The following ASCC3 variants were observed in gnomAD, a reference collection of about 807,000 sequenced individuals.
The protein encoded by ASCC3 is ASC-1 complex subunit P200.
Under a neutral mutation model 256.3 loss-of-function variants are expected in ASCC3, and 158 were observed. The observed-to-expected ratio is 0.62, with a 90% CI of 0.54 to 0.70. The LOEUF (loss-of-function observed/expected upper bound fraction) is 0.70, where lower values mean the gene tolerates loss of function less well. ASCC3 is among the 30% of genes least tolerant of loss of function. ASCC3 has a pLI of 0.00. For synonymous variants in ASCC3, 948 were observed against 883.4 expected, an observed-to-expected ratio of 1.07 and a Z score of -1.30; for missense variants, 2,259 against 2,626.0, an observed-to-expected ratio of 0.86 and a Z score of 3.05.
At chr6:100,610,137 T>C (rs1253492562) in intron 30 of ASCC3, among the ~76,000 whole-genome samples, 1 of 152,148 alleles carries the variant, frequency 6.6e-6, no homozygotes, top group East Asian at 1.9e-4. Context: ...AGGGGAGAAG[T>C]AACTTGGAAA....
rs143022926 is a variant in ASCC3, at chr6:100,603,239, C to CA, written c.5178-1305dup. 5.3e-5 allele frequency among the ~76,000 whole-genome samples: 8 copies of CA among 149,776 alleles called. No individual in the cohort carries two copies. The South Asian group carries it at 1.3e-3, about 24-fold the overall frequency. On this transcript the variant is annotated intron_variant, in intron 33 of 41. Transcript: ENST00000369162. The stretch of plus-strand genomic sequence containing the variant: ...TAACGGTCATATCAAGGTACAAAAC[C>CA]AAAAAAAAATTTAGTTAACTTTTTA...
At chr6:100,830,661 G>A (rs755198332) in intron 4 of ASCC3, among the ~76,000 whole-genome samples, 31 of 152,218 alleles carry the variant, frequency 2.0e-4, no homozygotes, top group Admixed American at 1.2e-3. Context: ...AAACAAAAAC[G>A]AAAACATAGC....
At chr6:100,535,150 A>G (rs1775098705) in intron 37 of ASCC3, among the ~76,000 whole-genome samples, 1 of 152,184 alleles carries the variant, frequency 6.6e-6, no homozygotes, top group South Asian at 2.1e-4. Flanking sequence ...AGGAGAATTT[A>G]CAGTCAGAAC....
intron 37 of ASCC3, among the ~76,000 whole-genome samples, chr6:100,537,436 T>C (rs1775214088): frequency 6.6e-6 from 1 of 152,104 alleles, no homozygotes; most frequent in Admixed American, 6.6e-5. Flanking sequence ...GGATCTTGAA[T>C]TGGATCATGG....
At chr6:100,519,758 C>T (rs929371247) in intron 37 of ASCC3, among the ~76,000 whole-genome samples, 1 of 151,964 alleles carries the variant, frequency 6.6e-6, no homozygotes, top group Admixed American at 6.6e-5. Flanking sequence ...GATGGATGAA[C>T]CATATGTTCT....
chr6:100,812,421 G>A (rs374710024), intron 4 of ASCC3, among the ~76,000 whole-genome samples: 4 of 151,780 alleles, frequency 2.6e-5, no homozygotes, highest in East Asian at 1.9e-4. Flanking sequence ...AAAGAGAACC[G>A]TGATTAAAGA....
intron 10 of ASCC3, among the ~76,000 whole-genome samples, chr6:100,731,242 T>C (rs1235803231): frequency 6.6e-6 from 1 of 152,202 alleles, no homozygotes; most frequent in Non-Finnish European, 1.5e-5. Context: ...CTTTCCAGAC[T>C]ATGTGTGTTT....
chr6:100,861,068 C>G (rs1773202345), intron 3 of ASCC3, among the ~76,000 whole-genome samples: 5 of 152,004 alleles, frequency 3.3e-5, no homozygotes. Context: ...TGGTAAAAGG[C>G]TGAAATGGGG....
chr6:100,720,183 A>C (rs1327820170), intron 11 of ASCC3, among the ~76,000 whole-genome samples: 4 of 152,150 alleles, frequency 2.6e-5, no homozygotes, highest in Non-Finnish European at 5.9e-5. Context: ...AAATATGAAA[A>C]GATTCACACA....
intron 5 of ASCC3, among the ~76,000 whole-genome samples, chr6:100,800,986 C>T (rs1359638422): frequency 6.6e-6 from 1 of 151,910 alleles, no homozygotes. Context: ...TTATAGATTA[C>T]ATAAAATTTA....
chr6:100,879,986 A>G (rs1486975103), intron 1 of ASCC3, among the ~76,000 whole-genome samples: 2 of 152,212 alleles, frequency 1.3e-5, no homozygotes, highest in Non-Finnish European at 2.9e-5. Context: ...AAAGTTCATG[A>G]GCACAGAGAC....
intron 10 of ASCC3, among the ~76,000 whole-genome samples, chr6:100,748,989 T>C (rs901046561): frequency 2.6e-5 from 4 of 151,866 alleles, no homozygotes; most frequent in Non-Finnish European, 4.4e-5. Flanking sequence ...CCTATGCCGA[T>C]GGCTAAAACA....
chr6:100,789,203 G>T (rs1308482812), intron 8 of ASCC3, among the ~76,000 whole-genome samples: 3 of 151,912 alleles, frequency 2.0e-5, no homozygotes, highest in Non-Finnish European at 4.4e-5. Flanking sequence ...TTTAAATTTA[G>T]GGAAGTAACT....
chr6:100,698,308 G>C (rs1302681074), intron 13 of ASCC3, among the ~76,000 whole-genome samples: 1 of 151,988 alleles, frequency 6.6e-6, no homozygotes, highest in Non-Finnish European at 1.5e-5. Context: ...TCATTAAAAA[G>C]TATTCCTTTG....
At chr6:100,816,288 G>C (rs899928513) in intron 4 of ASCC3, among the ~76,000 whole-genome samples, 1 of 152,034 alleles carries the variant, frequency 6.6e-6, no homozygotes, top group South Asian at 2.1e-4. Context: ...GGAGAAAAAG[G>C]CACACTTATA....
At chr6:100,850,563 T>C (rs1479426466) in intron 3 of ASCC3, among the ~76,000 whole-genome samples, 1 of 152,214 alleles carries the variant, frequency 6.6e-6, no homozygotes, top group East Asian at 1.9e-4. Context: ...ATTTTTATAC[T>C]ACATCAAACT....
chr6:100,789,532 C>T (rs916451661), intron 8 of ASCC3, among the ~76,000 whole-genome samples: 2 of 151,934 alleles, frequency 1.3e-5, no homozygotes, highest in African/African-American at 4.8e-5. Context: ...GAATTATTAT[C>T]AAATATCCTA....
chr6:100,622,931 C>G (rs1272031109), intron 30 of ASCC3, among the ~76,000 whole-genome samples: 10 of 152,178 alleles, frequency 6.6e-5, no homozygotes, highest in African/African-American at 2.4e-4. Flanking sequence ...GAAGTGTACA[C>G]TGTGATAATG....
chr6:100,834,946 T>C (rs1771802630), intron 4 of ASCC3, among the ~76,000 whole-genome samples: 1 of 152,158 alleles, frequency 6.6e-6, no homozygotes. Flanking sequence ...CAGAAGTTTA[T>C]TTTATGAAAC....
Sources: allele counts gnomAD v4.1 joint callset (sites outside exome capture counted in the v4.1 genomes callset), GRCh38; gene constraint gnomAD v4.1.1; transcripts MANE v1.5; gene names NCBI Gene and HGNC (gene_info 2026-07-23, HGNC 2026-07-21).